KCNC3: variants seen among roughly 807,000 people sequenced by gnomAD.
KCNC3 encodes the protein potassium voltage-gated channel subfamily C member 3, also known as voltage-gated potassium channel KCNC3.
A neutral mutation model predicts 43.9 loss-of-function variants in KCNC3; 22 were observed. That is an observed-to-expected ratio of 0.50 (90% CI 0.36 to 0.72). The LOEUF (loss-of-function observed/expected upper bound fraction) is 0.72. Among genes scored for constraint, KCNC3 ranks in the 30% least tolerant of loss-of-function variants. The pLI is 0.00. For synonymous variants in KCNC3, 492 were observed against 488.0 expected (o/e 1.01, Z -0.11); for missense variants, 829 against 1,073.8 (o/e 0.77, Z 3.19).
rs1362409342 is a variant in KCNC3 at position 50,329,078 on chromosome 19, A to G, written c.5T>C (p.Leu2Pro). 3.5e-6 allele frequency: 3 copies of G among 861,498 alleles called. No homozygotes were observed. Among genetic ancestry groups the G allele is most frequent in the Non-Finnish European group, 4.5e-6 (3 of 668,406 alleles). 53.4% of individuals were successfully genotyped at this position (861,498 alleles called of 1,614,324 possible). The change falls in exon 1 of 5, where the codon CTG becomes CCG. Residue 2 changes from leucine to proline, a missense_variant. Around this residue, in one of 7 missense-constraint regions of KCNC3, gnomAD observed 129 missense variants for 83.6 expected, o/e 1.54. Transcript: ENST00000477616. Reference protein sequence around the residue: MLSSVCVSSFRG... With the variant: MPSSVCVSSFRG... ...GAAGGACGAGACGCAGACTGAGCTC[A>G]GCATTGGACGGGGGGCGGGGCGGGA...
At chr19:50,332,613 T>C (rs2123556675), upstream of KCNC3, among the ~76,000 whole-genome samples, 1 of 152,186 alleles carries the variant, frequency 6.6e-6, no homozygotes, top group East Asian at 1.9e-4. This position sits in a 1 kb window ranked among gnomAD's most constrained non-coding sequence, Gnocchi z 5.8. Flanking sequence ...AGGGGGCTTC[T>C]GGAAGCTTCA....
In KCNC3 at chr19:50,320,743, G is replaced by A. The variant is rs1568570701; in HGVS notation, c.2020C>T (p.His674Tyr). Residue 674 changes from histidine (H) to tyrosine (Y), a missense_variant, in exon 3 of 5, where the codon CAC becomes TAC. Transcript: ENST00000477616. ...NGDPAAAALA[H>Y]EDCPAIDQPA... Reference sequence around the variant, plus strand: ...TGGTCAATGGCTGGGCAGTCCTCGTGGGCAAGCGCAGCTGCTGCCGGATCC... The same window carrying A: ...TGGTCAATGGCTGGGCAGTCCTCGTAGGCAAGCGCAGCTGCTGCCGGATCC... 2 of 1,613,972 alleles carry A rather than the reference G, an allele frequency of 1.2e-6. No homozygotes were observed. Among genetic ancestry groups the A allele is most frequent in the Non-Finnish European group, 1.7e-6 (2 of 1,179,976 alleles).
chr19:50,315,971 G>T lies in KCNC3; in HGVS notation c.*144C>A, dbSNP rs554149255. On this transcript the variant is annotated 3_prime_UTR_variant, in exon 5 of 5. Coordinates refer to ENST00000477616, the MANE Select transcript of KCNC3 (RefSeq NM_004977.3). ...TCTTGATCGTAGGAGGGAGGGCTTG[G>T]GGGGAGATTTGAAGCCCAGTGTCTT... is the stretch of plus-strand genomic sequence containing the variant. 3.1e-5 allele frequency: 12 copies of T among 384,204 alleles called. No individual in the cohort carries two copies. Among genetic ancestry groups the T allele is most frequent in the African/African-American group, 2.3e-4 (11 of 47,500 alleles). 23.8% of individuals were successfully genotyped at this position (384,204 alleles called of 1,614,324 possible).
In KCNC3 at chr19:50,323,205, G is replaced by T; in HGVS notation, c.1748C>A (p.Pro583His). ...NYCKPDPPPP[P>H]PPHPHHGSGG... ...GCTGCCGTGGTGCGGGTGGGGCGGG[G>T]GTGGCGGGGGTGGGTCAGGCTTGCA... The change falls in exon 2 of 5, where the codon CCC becomes CAC. Residue 583 changes from proline to histidine, a missense_variant. Pro to His is a moderately conservative substitution (Grantham distance 77). Transcript: ENST00000477616. 1 of 1,524,450 alleles carries T rather than the reference G, an allele frequency of 6.6e-7. No homozygotes were observed. Among genetic ancestry groups the T allele is most frequent in the Non-Finnish European group, 8.8e-7 (1 of 1,136,870 alleles). The allele number at this position is 1,524,450 out of a possible 1,614,324, so 94.4% of individuals were successfully genotyped here. A position where few individuals can be genotyped will look rare whatever the true frequency, so the allele number is the denominator to read the frequency against.
At chr19:50,331,202 CCTT>C (rs1204615482), upstream of KCNC3, among the ~76,000 whole-genome samples, 1 of 144,986 alleles carries the variant, frequency 6.9e-6, no homozygotes, top group Non-Finnish European at 1.5e-5. Context: ...CTGTCCCCCT[CCTT>C]CTGAGTCTTT....
intron 1 of KCNC3, among the ~76,000 whole-genome samples, chr19:50,326,494 C>A (rs1280506189): frequency 6.6e-6 from 1 of 152,174 alleles, no homozygotes; most frequent in African/African-American, 2.4e-5. Flanking sequence ...CGCTCCCTCC[C>A]CCGGCGCGAA....
At chr19:50,326,681 C>T (rs2037110377) in intron 1 of KCNC3, among the ~76,000 whole-genome samples, 1 of 152,172 alleles carries the variant, frequency 6.6e-6, no homozygotes, top group South Asian at 2.1e-4. Context: ...TTTTCCACCA[C>T]ATTCTCCCTC....
chr19:50,323,197 G>A lies in KCNC3; in HGVS notation c.1756C>T (p.His586Tyr). 6.6e-7 allele frequency: 1 copy of A among 1,524,406 alleles called. No homozygotes were observed. Among genetic ancestry groups the A allele is most frequent in the Non-Finnish European group, 8.8e-7 (1 of 1,136,972 alleles). 94.4% of individuals were successfully genotyped at this position (1,524,406 alleles called of 1,614,324 possible). A position where few individuals can be genotyped will look rare whatever the true frequency, so the allele number is the denominator to read the frequency against. ...KPDPPPPPPP[H>Y]PHHGSGGISP... The stretch of plus-strand genomic sequence containing the variant: ...ATGCCCCCGCTGCCGTGGTGCGGGT[G>A]GGGCGGGGGTGGCGGGGGTGGGTCA... Residue 586 changes from histidine to tyrosine, a missense_variant, in exon 2 of 5, where the codon CAC becomes TAC. Coordinates refer to ENST00000477616, the MANE Select transcript of KCNC3 (RefSeq NM_004977.3).
intron 4 of KCNC3, among the ~76,000 whole-genome samples, chr19:50,317,838 C>T (rs1458774737): frequency 3.3e-5 from 5 of 152,216 alleles, no homozygotes; most frequent in Admixed American, 6.5e-5. Flanking sequence ...ACTCTGTCCC[C>T]CCAGGCTGGA....
At chr19:50,330,176 A>G (rs969136991), upstream of KCNC3, among the ~76,000 whole-genome samples, 6 of 152,202 alleles carry the variant, frequency 3.9e-5, no homozygotes, top group African/African-American at 1.4e-4. Flanking sequence ...TTGAGGCAGG[A>G]GAATCGCTTG....
chr19:50,331,640 G>C (rs1014036272), upstream of KCNC3, among the ~76,000 whole-genome samples: 3 of 148,042 alleles, frequency 2.0e-5, no homozygotes, highest in African/African-American at 7.5e-5. Context: ...CCCATCTCTG[G>C]TGTATTTCCC....
At chr19:50,322,142 G>A (rs987468507) in intron 2 of KCNC3, among the ~76,000 whole-genome samples, 14 of 151,992 alleles carry the variant, frequency 9.2e-5, no homozygotes, top group African/African-American at 2.7e-4. Flanking sequence ...TACTTAAGGC[G>A]GGGCAGTGCA....
At chr19:50,320,998 G>A (rs1047713614) in intron 2 of KCNC3, among the ~76,000 whole-genome samples, 1 of 146,264 alleles carries the variant, frequency 6.8e-6, no homozygotes, top group Admixed American at 6.8e-5. Context: ...GGCGCGGCTG[G>A]GGGGTGATCA....
At position 50,313,511 on chromosome 19, in the gene KCNC3, T is replaced by G. The variant is rs9916985; in HGVS notation, c.*2604A>C. On this transcript the variant is annotated 3_prime_UTR_variant, in exon 5 of 5. Transcript: ENST00000477616. Reference sequence around the variant, plus strand: ...ACAAATACAACCCTCTGGGAAACACTGGTGTCTGTGAAGAGGGTACCTTTG... The same window carrying G: ...ACAAATACAACCCTCTGGGAAACACGGGTGTCTGTGAAGAGGGTACCTTTG... 12,263 of 152,178 alleles carry G rather than the reference T, an allele frequency of 0.081. 559 individuals carry two copies. The highest frequency in any genetic ancestry group is 0.12 in the African/African-American group (4,944 of 41,480). The allele number at this position is 152,178 out of a possible 1,614,324, so 9.4% of individuals were successfully genotyped here.
chr19:50,328,672 AAAG>A lies in KCNC3; in HGVS notation c.408_410del (p.Phe137del), dbSNP rs1179595925. 6 of 1,610,758 alleles carry A rather than the reference AAAG, an allele frequency of 3.7e-6. No individual in the cohort carries two copies. The highest frequency in any genetic ancestry group is 5.1e-6 in the Non-Finnish European group (6 of 1,179,074). On this transcript the variant is annotated inframe_deletion, in exon 1 of 5. Transcript: ENST00000477616. ...ACGCGAAGACTCCCGGGTGCCGGTC[AAAG>A]AAGAACTCGTCGGCGCCCGGGTCGT...
chr19:50,320,864 G>A (rs1472551860), intron 2 of KCNC3, 80 bp from the exon 3 acceptor site: 21 of 1,367,350 alleles, frequency 1.5e-5, no homozygotes, highest in South Asian at 4.8e-5. Context: ...AGATGTCTGC[G>A]AGGAGCAGAT....
At position 50,320,257 on chromosome 19, in the gene KCNC3, TC is replaced by T; in HGVS notation, c.2262del (p.Trp754Ter). ...AGGGGGTTCGTCCACTAGGGGGATA[TC>T]CAGGCCGCGGCGTTGGCGTTGAGGT... ...LPDLNANAAA[W>X]ISP On this transcript the variant is annotated frameshift_variant, in exon 4 of 5. Coordinates refer to ENST00000477616, the MANE Select transcript of KCNC3 (RefSeq NM_004977.3). LOFTEE classifies it high-confidence loss of function. 2.3e-6 allele frequency: 2 copies of T among 859,460 alleles called. No individual in the cohort carries two copies. The highest frequency in any genetic ancestry group is 3.1e-6 in the Non-Finnish European group (2 of 646,840). 53.2% of individuals were successfully genotyped at this position (859,460 alleles called of 1,614,324 possible). A position where few individuals can be genotyped will look rare whatever the true frequency, so the allele number is the denominator to read the frequency against.
chr19:50,328,899 C>G lies in KCNC3; in HGVS notation c.184G>C (p.Gly62Arg). The G allele has an allele frequency of 1.0e-6, 1 of 953,544 alleles. No homozygotes were observed. Among genetic ancestry groups the G allele is most frequent in the Non-Finnish European group, 1.2e-6 (1 of 800,644 alleles). 59.1% of individuals were successfully genotyped at this position (953,544 alleles called of 1,614,324 possible). Residue 62 changes from glycine (G) to arginine (R), a missense_variant, in exon 1 of 5, where the codon GGG becomes CGG. Gly to Arg is a moderately radical substitution (Grantham distance 125). Coordinates refer to ENST00000477616, the MANE Select transcript of KCNC3 (RefSeq NM_004977.3). ...GGGCATGGCTCGGCGCGCCGGTCCCCGGGCCCGCGGGGTGCCGGGGGGCCC... is the reference window on the plus strand; with the variant it reads ...GGGCATGGCTCGGCGCGCCGGTCCCGGGGCCCGCGGGGTGCCGGGGGGCCC... ...PAGPPAPRGP[G>R]DRRAEPCPGL... is the part of the protein sequence containing the mutation.
upstream of KCNC3, among the ~76,000 whole-genome samples, chr19:50,332,245 C>T (rs1460203757): frequency 6.6e-6 from 1 of 152,130 alleles, no homozygotes; most frequent in African/African-American, 2.4e-5. The surrounding 1 kb of genome is among the most constrained non-coding windows in gnomAD (Gnocchi z 5.8). Context: ...GGACCTCGGT[C>T]GCCATCCTCC....
Sources: allele counts gnomAD v4.1 joint callset (sites outside exome capture counted in the v4.1 genomes callset), GRCh38; gene constraint gnomAD v4.1.1; regional missense constraint gnomAD v4.1.1; non-coding constraint Gnocchi (gnomAD v3.1); transcripts MANE v1.5; gene names NCBI Gene and HGNC (gene_info 2026-07-23, HGNC 2026-07-21).